Variants in OVCH1 observed in about 807,000 individuals in gnomAD.
OVCH1 encodes the protein ovochymase-1.
In OVCH1, 139 loss-of-function variants were observed where a neutral mutation model predicts 138.4. That is an observed-to-expected ratio of 1.00 (90% CI 0.87 to 1.16). The LOEUF is 1.16. OVCH1 is among the 50% of genes most tolerant of loss of function. The pLI is 0.00. For missense variants in OVCH1, 1,367 were observed against 1,357.9 expected, an observed-to-expected ratio of 1.01 and a Z score of -0.11; for synonymous variants, 453 against 467.8, an observed-to-expected ratio of 0.97 and a Z score of 0.41.
At chr12:29,476,032 C>T (rs1565599581) in intron 13 of OVCH1, among the ~76,000 whole-genome samples, 174 bp downstream of exon 13, 3 of 152,124 alleles carry the variant, frequency 2.0e-5, no homozygotes, top group Middle Eastern at 3.2e-3. Flanking sequence ...ACTTTACTGG[C>T]GAATTAGTTG....
chr12:29,453,868 A>G (rs989540865), intron 21 of OVCH1, among the ~76,000 whole-genome samples: 2 of 152,072 alleles, frequency 1.3e-5, no homozygotes, highest in African/African-American at 4.8e-5. Flanking sequence ...TCAATTTATG[A>G]TCATTCATCT....
At chr12:29,442,616 TATA>T (rs982446147) in intron 25 of OVCH1, among the ~76,000 whole-genome samples, 1 of 151,202 alleles carries the variant, frequency 6.6e-6, no homozygotes, top group African/African-American at 2.4e-5. Flanking sequence ...AAACTTGAAG[TATA>T]ATAATAATAA....
intron 26 of OVCH1, among the ~76,000 whole-genome samples, chr12:29,436,541 C>A (rs899754772): frequency 6.6e-5 from 10 of 152,224 alleles, no homozygotes; most frequent in Admixed American, 2.0e-4. Context: ...CTAGTGGGTT[C>A]TTGGTCTTGC....
At chr12:29,482,451 C>A (rs978803136) in intron 8 of OVCH1, among the ~76,000 whole-genome samples, 1 of 152,070 alleles carries the variant, frequency 6.6e-6, no homozygotes, top group African/African-American at 2.4e-5. Context: ...TTTGATATAG[C>A]ATTTACTACC....
downstream of OVCH1, among the ~76,000 whole-genome samples, chr12:29,424,022 C>T (rs1288125381): frequency 1.3e-5 from 2 of 152,068 alleles, no homozygotes; most frequent in Non-Finnish European, 2.9e-5. Context: ...GAATTAAAGA[C>T]ACACACACAC....
At chr12:29,462,659 A>G (rs927558423) in intron 18 of OVCH1, among the ~76,000 whole-genome samples, 11 of 152,100 alleles carry the variant, frequency 7.2e-5, no homozygotes, top group Admixed American at 6.6e-4. Context: ...GGCAATATTA[A>G]TAACAAGTAC....
At chr12:29,463,743 C>T (rs1014281601) in intron 18 of OVCH1, among the ~76,000 whole-genome samples, 13 of 152,120 alleles carry the variant, frequency 8.5e-5, no homozygotes, top group African/African-American at 1.9e-4. Flanking sequence ...AAGATTTTTA[C>T]GAAAGTGCAA....
chr12:29,436,582 C>T (rs530739923), intron 26 of OVCH1, among the ~76,000 whole-genome samples: 1 of 152,332 alleles, frequency 6.6e-6, no homozygotes, highest in East Asian at 1.9e-4. Context: ...CAGACATTTG[C>T]GGCGAGTGTT....
chr12:29,495,518 T>C, intron 3 of OVCH1, 61 bp from the exon 4 acceptor site: 1 of 1,444,416 alleles, frequency 6.9e-7, no homozygotes, highest in Admixed American at 2.2e-5. Context: ...CTTCTTGGTT[T>C]GATGTAATTA....
chr12:29,445,193 ATGT>A, intron 23 of OVCH1, 82 bp downstream of exon 23: 1 of 1,353,944 alleles, frequency 7.4e-7, no homozygotes, highest in Non-Finnish European at 1.0e-6. Context: ...TTCTTTCAAA[ATGT>A]TGTATATGTT....
chr12:29,439,534 A>C (rs754387246), intron 25 of OVCH1: 270 of 1,332,636 alleles, frequency 2.0e-4, no homozygotes, highest in Admixed American at 3.5e-4. Context: ...AAAAATCTCT[A>C]TCTCTACTAC....
chr12:29,413,737 A>G (rs1209880548), intron 3 of OVCH1, among the ~76,000 whole-genome samples: 1 of 152,316 alleles, frequency 6.6e-6, no homozygotes, highest in East Asian at 1.9e-4. Context: ...AGACGTTTAC[A>G]TACTTTAATG....
chr12:29,410,941 G>C, downstream of OVCH1, among the ~76,000 whole-genome samples: 1 of 151,948 alleles, frequency 6.6e-6, no homozygotes, highest in East Asian at 1.9e-4. Flanking sequence ...GTCACCTTCA[G>C]GTACACCAAT....
chr12:29,415,727 C>T (rs1039879600), intron 3 of OVCH1, among the ~76,000 whole-genome samples: 2 of 152,058 alleles, frequency 1.3e-5, no homozygotes, highest in Non-Finnish European at 2.9e-5. Context: ...TGTGAATTCT[C>T]CCCAAACTGA....
exon 20 of OVCH1, chr12:29,455,399 A>T (rs1941919430): frequency 3.1e-6 from 5 of 1,602,880 alleles, no homozygotes; most frequent in Non-Finnish European, 3.4e-6. Flanking sequence ...GGCCCACCAG[A>T]GTCTCCCTGA....
chr12:29,474,255 T>C (rs75638708), intron 14 of OVCH1, among the ~76,000 whole-genome samples: 3,660 of 152,234 alleles, frequency 0.024, 117 homozygotes, highest in African/African-American at 0.08. Context: ...TTCTTGCATG[T>C]AAGTTCATTC....
At chr12:29,408,059 C>T (rs1940906321), downstream of OVCH1, among the ~76,000 whole-genome samples, 1 of 139,500 alleles carries the variant, frequency 7.2e-6, no homozygotes, top group Admixed American at 7.2e-5. Flanking sequence ...ATTTTATTCT[C>T]TTTAAAGCAG....
intron 8 of OVCH1, among the ~76,000 whole-genome samples, chr12:29,484,320 G>A (rs1943026735): frequency 6.6e-6 from 1 of 152,112 alleles, no homozygotes; most frequent in Non-Finnish European, 1.5e-5. Context: ...AAATCCCACA[G>A]CAATCTCATT....
At chr12:29,436,263 A>G (rs114281246) in intron 26 of OVCH1, among the ~76,000 whole-genome samples, 21 of 145,332 alleles carry the variant, frequency 1.4e-4, no homozygotes, top group African/African-American at 4.6e-4. Context: ...TTTTAATAAT[A>G]TAAGTATAGC....
Sources: allele counts gnomAD v4.1 joint callset (sites outside exome capture counted in the v4.1 genomes callset), GRCh38; gene constraint gnomAD v4.1.1; transcripts MANE v1.5; gene names NCBI Gene and HGNC (gene_info 2026-07-23, HGNC 2026-07-21).